PLEKHH2: variants seen among roughly 807,000 people sequenced by gnomAD.
PLEKHH2 encodes the protein pleckstrin homology, MyTH4 and FERM domain containing H2, also known as pleckstrin homology domain-containing family H member 2.
In PLEKHH2, 129 loss-of-function variants were observed where a neutral mutation model predicts 187.9. That is an observed-to-expected ratio of 0.69 (90% CI 0.59 to 0.79). The LOEUF (loss-of-function observed/expected upper bound fraction) is 0.79. PLEKHH2 is among the 30% of genes least tolerant of loss of function. The probability of loss-of-function intolerance (pLI) is 0.00; values close to 1 mark genes in which losing one functional copy is unlikely to be tolerated. For missense variants in PLEKHH2, 2,076 were observed against 1,751.2 expected, an observed-to-expected ratio of 1.19 and a Z score of -3.31; for synonymous variants, 686 against 605.6, an observed-to-expected ratio of 1.13 and a Z score of -1.95.
At chr2:43,716,726 A>G (rs1420925013) in intron 15 of PLEKHH2, among the ~76,000 whole-genome samples, 3 of 152,208 alleles carry the variant, frequency 2.0e-5, no homozygotes, top group Non-Finnish European at 4.4e-5. Context: ...TCAACATTTT[A>G]CTTGCTTTAC....
intron 5 of PLEKHH2, among the ~76,000 whole-genome samples, 161 bp from the exon 6 acceptor site, chr2:43,694,982 C>T (rs557448022): frequency 6.6e-6 from 1 of 152,070 alleles, no homozygotes; most frequent in African/African-American, 2.4e-5. Flanking sequence ...AGGTCGATAG[C>T]CTATTCTGAT....
At chr2:43,638,247 T>TAACA (rs1334662706) in intron 1 of PLEKHH2, among the ~76,000 whole-genome samples, 1 of 124,474 alleles carries the variant, frequency 8.0e-6, no homozygotes, top group East Asian at 2.2e-4. Context: ...AAAGATCTTT[T>TAACA]AACACACACA....
chr2:43,679,501 T>C (rs999413312), intron 3 of PLEKHH2: 26 of 346,778 alleles, frequency 7.5e-5, no homozygotes, highest in African/African-American at 6.0e-4. Flanking sequence ...TCCCTTTTTT[T>C]TTTTTTTTTT....
intron 21 of PLEKHH2, among the ~76,000 whole-genome samples, chr2:43,741,720 G>A (rs987061878): frequency 1.3e-5 from 2 of 152,200 alleles, no homozygotes; most frequent in Non-Finnish European, 2.9e-5. Context: ...CTGTGATCAA[G>A]GTCATCTGTG....
intron 2 of PLEKHH2, among the ~76,000 whole-genome samples, chr2:43,657,895 A>C (rs543983482): frequency 6.6e-6 from 1 of 152,318 alleles, no homozygotes; most frequent in Non-Finnish European, 1.5e-5. Flanking sequence ...AAGGGTAAAC[A>C]GTAAGTTTTG....
chr2:43,639,650 C>CTTTTTT (rs869116400), intron 1 of PLEKHH2, among the ~76,000 whole-genome samples: 4 of 99,226 alleles, frequency 4.0e-5, no homozygotes, highest in South Asian at 3.3e-4. Flanking sequence ...GGATGTACCA[C>CTTTTTT]TTTTTTTTTT....
At position 43,700,397 on chromosome 2, in the gene PLEKHH2, G is replaced by A. The variant is rs757602696; in HGVS notation, c.1439G>A (p.Arg480Gln). The A allele has an allele frequency of 1.1e-4, 173 of 1,613,794 alleles. No individual in the cohort carries two copies. The highest frequency in any genetic ancestry group is 1.4e-4 in the Non-Finnish European group (163 of 1,179,974). Reference protein sequence around the residue: ...GTNRNAISMIRPLRPQETDLD... With the variant: ...GTNRNAISMIQPLRPQETDLD... ...AATAGAAACGCTATAAGCATGATACGACCACTGAGACCTCAGGAAACTGAT... is the reference window on the plus strand; with the variant it reads ...AATAGAAACGCTATAAGCATGATACAACCACTGAGACCTCAGGAAACTGAT... The change falls in exon 8 of 30, where the codon CGA becomes CAA. Residue 480 changes from arginine (R) to glutamine (Q), a missense_variant. Coordinates refer to ENST00000282406, the MANE Select transcript of PLEKHH2 (RefSeq NM_172069.4).
chr2:43,647,600 T>C (rs559846562), intron 2 of PLEKHH2, among the ~76,000 whole-genome samples: 21 of 152,146 alleles, frequency 1.4e-4, no homozygotes, highest in Non-Finnish European at 2.9e-4. Context: ...CCTAACATTA[T>C]GTATTTTTCA....
intron 2 of PLEKHH2, among the ~76,000 whole-genome samples, chr2:43,677,373 A>G (rs1407214543): frequency 1.3e-5 from 2 of 152,134 alleles, no homozygotes; most frequent in Non-Finnish European, 2.9e-5. Flanking sequence ...GTCCCTAGGT[A>G]CTTGAGATTA....
chr2:43,678,079 G>C (rs1286867378), intron 2 of PLEKHH2, among the ~76,000 whole-genome samples: 4 of 151,498 alleles, frequency 2.6e-5, no homozygotes, highest in South Asian at 4.2e-4. Context: ...ACGGGGTCGC[G>C]GCCGGGCAGA....
At chr2:43,763,637 G>A (rs1342542664) in intron 28 of PLEKHH2, among the ~76,000 whole-genome samples, 3 of 150,182 alleles carry the variant, frequency 2.0e-5, no homozygotes, top group African/African-American at 7.4e-5. Context: ...TGTTGCCCAG[G>A]CTAGGCTCAA....
intron 2 of PLEKHH2, chr2:43,675,151 T>C (rs1296504033): frequency 1.0e-5 from 4 of 393,974 alleles, no homozygotes; most frequent in African/African-American, 2.1e-5. Flanking sequence ...GCAGGTGAAA[T>C]TAATTTTAAT....
intron 6 of PLEKHH2, among the ~76,000 whole-genome samples, chr2:43,695,748 G>A (rs949773971): frequency 2.6e-5 from 4 of 152,172 alleles, no homozygotes; most frequent in Non-Finnish European, 1.5e-5. Context: ...TTGTATCAGA[G>A]AGACATGCAC....
chr2:43,703,346 TCTA>T (rs1401047900), intron 8 of PLEKHH2, among the ~76,000 whole-genome samples: 15 of 152,206 alleles, frequency 9.9e-5, no homozygotes, highest in Non-Finnish European at 2.1e-4. Context: ...AACAAAATAA[TCTA>T]CTTTTGGAAC....
chr2:43,764,139 C>A, intron 28 of PLEKHH2, 89 bp from the exon 29 acceptor site: 2 of 745,576 alleles, frequency 2.7e-6, no homozygotes, highest in Non-Finnish European at 3.9e-6. Flanking sequence ...TTAATATCTG[C>A]CTTTTAATGG....
intron 25 of PLEKHH2, among the ~76,000 whole-genome samples, chr2:43,755,236 T>C (rs1217242595): frequency 6.6e-6 from 1 of 152,120 alleles, no homozygotes; most frequent in African/African-American, 2.4e-5. Flanking sequence ...TTCTGTCTCC[T>C]CTTTATGATA....
At chr2:43,638,121 G>T (rs1703200946) in intron 1 of PLEKHH2, among the ~76,000 whole-genome samples, 2 of 152,126 alleles carry the variant, frequency 1.3e-5, no homozygotes, top group Non-Finnish European at 2.9e-5. Flanking sequence ...TATGTAGTGA[G>T]GAGCTCGGCT....
At chr2:43,750,494 G>A (rs1027533122) in intron 24 of PLEKHH2, among the ~76,000 whole-genome samples, 4 of 140,530 alleles carry the variant, frequency 2.8e-5, no homozygotes, top group Non-Finnish European at 6.1e-5. Context: ...AAAAAAAAAA[G>A]AGAGAGAGAG....
At chr2:43,717,006 T>A (rs1670242366) in intron 15 of PLEKHH2, among the ~76,000 whole-genome samples, 1 of 152,178 alleles carries the variant, frequency 6.6e-6, no homozygotes, top group Non-Finnish European at 1.5e-5. Flanking sequence ...GCAAGAGTTG[T>A]TTCGTGATCA....
Sources: gnomAD v4.1 joint callset for allele counts (sites outside exome capture counted in the v4.1 genomes callset) on GRCh38, gnomAD v4.1.1 for gene constraint, MANE v1.5 for transcripts, NCBI Gene and HGNC (gene_info 2026-07-23, HGNC 2026-07-21) for gene names.